SYCP1: variants seen among roughly 807,000 people sequenced by gnomAD.
SYCP1 encodes cancer/testis antigen 8.
Under a neutral mutation model 153.1 loss-of-function variants are expected in SYCP1, and 64 were observed. The observed-to-expected ratio is 0.42, with a 90% CI of 0.34 to 0.51. The LOEUF is 0.51. SYCP1 is among the 20% of genes least tolerant of loss of function. The pLI, the probability that SYCP1 is intolerant of heterozygous loss-of-function variation, is 0.06. For missense variants in SYCP1, 997 were observed against 1,049.0 expected (o/e 0.95, Z 0.68); for synonymous variants, 384 against 341.8 (o/e 1.12, Z -1.36).
At chr1:114,948,555 TCA>T (rs1389351815) in intron 27 of SYCP1, among the ~76,000 whole-genome samples, 1 of 152,204 alleles carries the variant, frequency 6.6e-6, no homozygotes, top group Non-Finnish European at 1.5e-5. Flanking sequence ...TTGGAAAATC[TCA>T]CACATCTTTC....
chr1:114,902,182 G>A (rs1174188514), intron 16 of SYCP1, among the ~76,000 whole-genome samples: 1 of 152,192 alleles, frequency 6.6e-6, no homozygotes, highest in East Asian at 1.9e-4. Flanking sequence ...GGGTTGGACT[G>A]AGGCCGACAT....
At chr1:114,857,360 C>T (rs548653984) in intron 4 of SYCP1, 84 bp from the exon 5 acceptor site, 1 of 1,512,364 alleles carries the variant, frequency 6.6e-7, no homozygotes, top group Admixed American at 1.9e-5. Flanking sequence ...TTAGTTATTG[C>T]ATTACTAGTC....
chr1:114,861,408 A>G (rs1392942011), intron 8 of SYCP1, among the ~76,000 whole-genome samples: 2 of 152,276 alleles, frequency 1.3e-5, no homozygotes, highest in South Asian at 2.1e-4. Context: ...TATTTTTGCC[A>G]TAATTTGACC....
At chr1:114,964,641 C>A (rs912976388) in intron 27 of SYCP1, among the ~76,000 whole-genome samples, 3 of 152,054 alleles carry the variant, frequency 2.0e-5, no homozygotes, top group Admixed American at 6.6e-5. Flanking sequence ...GAATCCTTTC[C>A]CCATTTCTTG....
At chr1:114,993,736 T>C (rs2101993443) in intron 30 of SYCP1, among the ~76,000 whole-genome samples, 1 of 151,638 alleles carries the variant, frequency 6.6e-6, no homozygotes, top group South Asian at 2.1e-4. Context: ...ATAATACACA[T>C]AAAACTTACC....
chr1:114,860,880 T>A, intron 8 of SYCP1, 71 bp downstream of exon 8: 1 of 1,218,594 alleles, frequency 8.2e-7, no homozygotes. Context: ...GGGAAAGAAA[T>A]TGTCCTTTTA....
intron 27 of SYCP1, among the ~76,000 whole-genome samples, chr1:114,966,079 T>C (rs946447721): frequency 2.0e-5 from 3 of 152,184 alleles, no homozygotes; most frequent in African/African-American, 7.2e-5. Context: ...TGGGAGGGTG[T>C]ATGTGTCCAG....
chr1:114,914,651 G>A (rs370877686), intron 20 of SYCP1, among the ~76,000 whole-genome samples: 2 of 152,136 alleles, frequency 1.3e-5, no homozygotes, highest in Non-Finnish European at 1.5e-5. Flanking sequence ...GCATGCTAGC[G>A]CTTGGCTCTC....
At chr1:114,947,048 C>G (rs984165840) in intron 26 of SYCP1, among the ~76,000 whole-genome samples, 198 bp from the exon 27 acceptor site, 3 of 151,956 alleles carry the variant, frequency 2.0e-5, no homozygotes, top group African/African-American at 7.3e-5. Flanking sequence ...TGCACCCAGC[C>G]CAAAAACTTG....
chr1:114,896,724 A>G (rs72694091), intron 16 of SYCP1, among the ~76,000 whole-genome samples: 9,269 of 152,296 alleles, frequency 0.061, 323 homozygotes, highest in Middle Eastern at 0.14. Context: ...TATTTGTTGA[A>G]TGAATACTAA....
intron 27 of SYCP1, among the ~76,000 whole-genome samples, chr1:114,956,623 G>A (rs920553600): frequency 1.3e-5 from 2 of 152,078 alleles, no homozygotes; most frequent in African/African-American, 2.4e-5. Flanking sequence ...TCAGCCACTC[G>A]GACAATCTTC....
intron 19 of SYCP1, 113 bp from the exon 20 acceptor site, chr1:114,913,862 C>CT: frequency 1.4e-6 from 1 of 736,592 alleles, no homozygotes; most frequent in East Asian, 3.3e-5. Context: ...CATTTTTTTG[C>CT]TTTATATATA....
chr1:114,857,604 G>A (rs1001292392), intron 5 of SYCP1, 107 bp downstream of exon 5: 16 of 885,648 alleles, frequency 1.8e-5, no homozygotes, highest in Admixed American at 7.0e-5. Context: ...TTTGATTAAC[G>A]TTTTAAGATA....
intron 11 of SYCP1, among the ~76,000 whole-genome samples, chr1:114,877,047 C>T (rs1261883665): frequency 6.6e-6 from 1 of 151,768 alleles, no homozygotes; most frequent in Non-Finnish European, 1.5e-5. Context: ...ATATTTATAT[C>T]AGTGGGTAAT....
rs569420603 is a variant in SYCP1, at chr1:114,944,734, C to A, written c.2044-138C>A. 17 of 692,534 alleles carry A rather than the reference C, an allele frequency of 2.5e-5. No homozygotes were observed. In the African/African-American group the frequency reaches 2.9e-4, roughly 12 times the overall value. 42.9% of individuals were successfully genotyped at this position (692,534 alleles called of 1,614,324 possible). On this transcript the variant is annotated intron_variant, in intron 24 of 31. Transcript: ENST00000369522. ...TAAAACACCCCGAAAAAACCCCAAA[C>A]AGTGCATTTTCTACTTGTTTTTCCA...
At chr1:114,956,034 T>C (rs992258490) in intron 27 of SYCP1, among the ~76,000 whole-genome samples, 1 of 152,176 alleles carries the variant, frequency 6.6e-6, no homozygotes, top group African/African-American at 2.4e-5. Context: ...CCTAGCCCAC[T>C]TTATCTGAGG....
chr1:114,908,550 G>GT (rs1021810350), intron 16 of SYCP1, among the ~76,000 whole-genome samples: 11 of 152,014 alleles, frequency 7.2e-5, no homozygotes, highest in Non-Finnish European at 1.6e-4. Flanking sequence ...TTATTTCAAT[G>GT]TTTTTTCTCT....
chr1:114,865,015 T>C (rs1664642594), intron 8 of SYCP1, among the ~76,000 whole-genome samples: 1 of 152,238 alleles, frequency 6.6e-6, no homozygotes, highest in Non-Finnish European at 1.5e-5. Flanking sequence ...TTGTCTGTTT[T>C]AAAATTTATC....
chr1:114,948,297 T>C (rs360675), intron 27 of SYCP1, among the ~76,000 whole-genome samples: 70,275 of 151,934 alleles, frequency 0.46, 17,394 homozygotes, highest in Non-Finnish European at 0.55. Flanking sequence ...ATTTAATCTT[T>C]ACAGCAATGT....
Sources: allele counts gnomAD v4.1 joint callset (sites outside exome capture counted in the v4.1 genomes callset), GRCh38; gene constraint gnomAD v4.1.1; transcripts MANE v1.5; gene names NCBI Gene and HGNC (gene_info 2026-07-23, HGNC 2026-07-21).